The following CENPE variants were observed in gnomAD, a reference collection of about 807,000 sequenced individuals.
The protein encoded by CENPE is centromere-associated protein E.
In CENPE, 145 loss-of-function variants were observed where a neutral mutation model predicts 336.1. The observed-to-expected ratio is 0.43, with a 90% CI of 0.38 to 0.50. CENPE has a LOEUF of 0.50. Ranked by LOEUF, CENPE falls within the 20% of genes least tolerant of loss-of-function variation. The pLI is 0.00. For missense variants in CENPE, 2,719 were observed against 3,023.3 expected, an observed-to-expected ratio of 0.90 and a Z score of 2.36; for synonymous variants, 1,013 against 984.8, an observed-to-expected ratio of 1.03 and a Z score of -0.54.
chr4:103,163,647 T>C, intron 16 of CENPE, 94 bp from the exon 17 acceptor site: 1 of 553,346 alleles, frequency 1.8e-6, no homozygotes, highest in Admixed American at 3.8e-5. Context: ...AAAAGGGCAC[T>C]GGTTCACTGC....
intron 39 of CENPE, 79 bp downstream of exon 39, chr4:103,138,272 C>A: frequency 1.1e-6 from 1 of 926,012 alleles, no homozygotes; most frequent in Non-Finnish European, 1.8e-6. Flanking sequence ...CCAGAGGTTC[C>A]TTCAATCCCA....
intron 36 of CENPE, 113 bp from the exon 37 acceptor site, chr4:103,140,527 C>G (rs1365042243): frequency 2.5e-6 from 2 of 815,542 alleles, no homozygotes; most frequent in Non-Finnish European, 3.7e-6. Flanking sequence ...TTAAAAACAA[C>G]CATTATACAA....
At chr4:103,150,883 G>T (rs1753484158) in intron 26 of CENPE, among the ~76,000 whole-genome samples, 1 of 152,216 alleles carries the variant, frequency 6.6e-6, no homozygotes, top group South Asian at 2.1e-4. Flanking sequence ...TGCAAGGAAA[G>T]AATCTTTGTT....
rs1252182049 is a variant in CENPE at position 103,158,723 on chromosome 4, T to C, written c.2765A>G (p.Glu922Gly). The C allele has an allele frequency of 6.2e-7, 1 of 1,613,148 alleles. No homozygotes were observed. The highest frequency in any genetic ancestry group is 1.7e-5 in the Admixed American group (1 of 59,876). ...LITEKLQQTL[E>G]EVKTLTQEKD... ...TTCTTGAGTTAAAGTTTTTACTTCT[T>C]CTAAAGTTTGCTGCAGTTTCTCAGT... The change falls in exon 23 of 49, where the codon GAA (glutamate) becomes GGA (glycine). Residue 922 changes from glutamate to glycine, a missense_variant. Transcript: ENST00000265148.
At chr4:103,191,749 C>G (rs1027929042) in intron 8 of CENPE, among the ~76,000 whole-genome samples, 2 of 151,536 alleles carry the variant, frequency 1.3e-5, no homozygotes, top group Admixed American at 6.6e-5. Context: ...ACATATGTAA[C>G]AAACGTGCAT....
At chr4:103,120,127 T>G in intron 44 of CENPE, 21 bp downstream of exon 44, 1 of 1,537,094 alleles carries the variant, frequency 6.5e-7, no homozygotes, top group East Asian at 2.3e-5. Flanking sequence ...CAAACAACTT[T>G]TATTTTTATG....
In CENPE at chr4:103,180,483, T is replaced by C; in HGVS notation, c.1084-14A>G. On this transcript the variant is annotated splice_polypyrimidine_tract_variant and intron_variant, in intron 12 of 48. Coordinates refer to ENST00000265148, the MANE Select transcript of CENPE (RefSeq NM_001813.3). ...CTCTAAAGAAACCTATAGAATGCAATATTGGATTATGTTAATAATAAATGT... is the reference window on the plus strand; with the variant it reads ...CTCTAAAGAAACCTATAGAATGCAACATTGGATTATGTTAATAATAAATGT... The C allele has an allele frequency of 6.3e-7, 1 of 1,583,002 alleles. No homozygotes were observed. The highest frequency in any genetic ancestry group is 8.6e-7 in the Non-Finnish European group (1 of 1,162,786).
intron 43 of CENPE, among the ~76,000 whole-genome samples, chr4:103,121,669 C>T (rs915216055): frequency 2.6e-5 from 4 of 151,728 alleles, no homozygotes; most frequent in African/African-American, 9.7e-5. Context: ...CCAGCTAAGC[C>T]TCCCACATAG....
rs1757881184 is a variant in CENPE, at chr4:103,198,146, T to A, written c.56+118A>T. 10 of 927,462 alleles carry A rather than the reference T, an allele frequency of 1.1e-5. No individual in the cohort carries two copies. The South Asian group carries it at 1.6e-4, about 15-fold the overall frequency. 57.5% of individuals were successfully genotyped at this position (927,462 alleles called of 1,614,324 possible). A position where few individuals can be genotyped will look rare whatever the true frequency, so the allele number is the denominator to read the frequency against. Reference sequence around the variant, plus strand: ...CCTGAAACGATGGCCAGCAGCCGAGTCACTAGACAGCAGAGCCGGGAAGCA... The same window carrying A: ...CCTGAAACGATGGCCAGCAGCCGAGACACTAGACAGCAGAGCCGGGAAGCA... On this transcript the variant is annotated intron_variant, in intron 1 of 48. Coordinates refer to ENST00000265148, the MANE Select transcript of CENPE (RefSeq NM_001813.3).
chr4:103,139,941 T>C lies in CENPE; in HGVS notation c.6052A>G (p.Met2018Val), dbSNP rs774545979. 5 of 1,613,426 alleles carry C rather than the reference T, an allele frequency of 3.1e-6. No homozygotes were observed. In the Admixed American group the frequency reaches 5.0e-5, roughly 16 times the overall value. ...TTCTTAGTCAACTGGAAGTTATCCA[T>C]TCTCACACTTTGCATAGATAAGTTT... ...AQNLSMQSVR[M>V]DNFQLTKKLH... is the part of the protein sequence containing the mutation. The change falls in exon 38 of 49, where the codon ATG becomes GTG. Residue 2018 changes from methionine (M) to valine (V), a missense_variant. Met to Val is a conservative substitution (Grantham distance 21). Around this residue, in one of 5 missense-constraint regions of CENPE, gnomAD observed 2,437 missense variants for 2,513.3 expected, o/e 0.97. Coordinates refer to ENST00000265148, the MANE Select transcript of CENPE (RefSeq NM_001813.3).
Position 103,195,097 on chromosome 4 carries a change from T to G in CENPE, c.477+17A>C, listed in dbSNP as rs1454057237. The G allele has an allele frequency of 6.4e-7, 1 of 1,564,906 alleles. No individual in the cohort carries two copies. On this transcript the variant is annotated intron_variant, in intron 5 of 48. Transcript: ENST00000265148. ...TAAGTCAGTCAATTTTAAAGCTCCCTTAAGTCTGCTACTCACATTGACATC... is the reference window on the plus strand; with the variant it reads ...TAAGTCAGTCAATTTTAAAGCTCCCGTAAGTCTGCTACTCACATTGACATC...
At chr4:103,189,467 G>T (rs1377310365) in intron 8 of CENPE, among the ~76,000 whole-genome samples, 1 of 152,124 alleles carries the variant, frequency 6.6e-6, no homozygotes, top group Admixed American at 6.6e-5. Context: ...TTCATCTCTG[G>T]GATGCAAGGC....
In CENPE at chr4:103,110,929, T is replaced by A; in HGVS notation, c.7623A>T (p.Lys2541Asn). 1 of 1,612,924 alleles carries A rather than the reference T, an allele frequency of 6.2e-7. No homozygotes were observed. ...GGGSGIVQNT[K>N]ALILKSEHIR... ...TATGTTCACTTTTCAAAATAAGAGCTTTTGTGTTTTGTACAATGCCGCTGC... is the reference window on the plus strand; with the variant it reads ...TATGTTCACTTTTCAAAATAAGAGCATTTGTGTTTTGTACAATGCCGCTGC... Residue 2541 changes from lysine (K) to asparagine (N), a missense_variant, in exon 47 of 49, where the codon AAA becomes AAT. Transcript: ENST00000265148.
intron 39 of CENPE, among the ~76,000 whole-genome samples, 193 bp from the exon 40 acceptor site, chr4:103,136,552 A>G (rs1752084584): frequency 6.6e-6 from 1 of 152,210 alleles, no homozygotes; most frequent in Admixed American, 6.5e-5. Context: ...GATAATTATT[A>G]TGGCAATTTA....
chr4:103,170,712 T>A (rs1578653536), intron 16 of CENPE, among the ~76,000 whole-genome samples: 5 of 152,154 alleles, frequency 3.3e-5, no homozygotes. Context: ...TACCTATCAA[T>A]GTAAATGGAC....
At position 103,143,416 on chromosome 4, in the gene CENPE, T is replaced by C. The variant is rs1378203405; in HGVS notation, c.5146-10A>G. On this transcript the variant is annotated splice_polypyrimidine_tract_variant and intron_variant, in intron 33 of 48. Transcript: ENST00000265148. ...CTTGTTTTTCTAGGTCCTTTATCAA[T>C]AGAAAAATAAAAATAATACATTGAG... 9.0e-6 allele frequency: 14 copies of C among 1,547,022 alleles called. No homozygotes were observed. The highest frequency in any genetic ancestry group is 2.2e-5 in the East Asian group (1 of 44,520).
chr4:103,184,422 G>T (rs75808039), intron 9 of CENPE, among the ~76,000 whole-genome samples: 1,894 of 152,232 alleles, frequency 0.012, 33 homozygotes, highest in African/African-American at 0.04. Context: ...AAGGCATCTG[G>T]ACTTTGTATC....
intron 40 of CENPE, among the ~76,000 whole-genome samples, chr4:103,134,249 G>A (rs1296342616): frequency 3.3e-5 from 5 of 152,084 alleles, no homozygotes; most frequent in Admixed American, 6.6e-5. Context: ...CAATCACCCA[G>A]GTTTCCCAGT....
intron 8 of CENPE, among the ~76,000 whole-genome samples, chr4:103,190,766 T>C (rs1757238163): frequency 6.6e-6 from 1 of 151,892 alleles, no homozygotes; most frequent in African/African-American, 2.4e-5. Flanking sequence ...CCAAAAGCAA[T>C]GACAACAAAA....
Sources: allele counts gnomAD v4.1 joint callset (sites outside exome capture counted in the v4.1 genomes callset), GRCh38; gene constraint gnomAD v4.1.1; regional missense constraint gnomAD v4.1.1; transcripts MANE v1.5; gene names NCBI Gene and HGNC (gene_info 2026-07-23, HGNC 2026-07-21).